ZDHHC17: variants seen among roughly 807,000 people sequenced by gnomAD.
ZDHHC17 encodes zDHHC palmitoyltransferase 17, also known as palmitoyltransferase ZDHHC17.
In ZDHHC17, 40 loss-of-function variants were observed where a neutral mutation model predicts 90.3. That is an observed-to-expected ratio of 0.44 (90% CI 0.34 to 0.58). ZDHHC17 has a LOEUF of 0.58. ZDHHC17 is among the 20% of genes least tolerant of loss of function. The pLI is 0.01. For missense variants in ZDHHC17, 614 were observed against 780.8 expected (o/e 0.79, Z 2.55); for synonymous variants, 235 against 252.4 (o/e 0.93, Z 0.65).
At chr12:76,831,667 C>G (rs1302254920) in intron 10 of ZDHHC17, among the ~76,000 whole-genome samples, 1 of 151,908 alleles carries the variant, frequency 6.6e-6, no homozygotes, top group African/African-American at 2.4e-5. Flanking sequence ...TTTTTTGAGA[C>G]ATCGTCTCAC....
At chr12:76,772,420 G>A (rs113802865) in intron 1 of ZDHHC17, among the ~76,000 whole-genome samples, 2,111 of 152,086 alleles carry the variant, frequency 0.014, 46 homozygotes, top group African/African-American at 0.047. Flanking sequence ...CTACACTAGC[G>A]TGGTACACTT....
At chr12:76,770,942 A>G (rs984542483) in intron 1 of ZDHHC17, among the ~76,000 whole-genome samples, 3 of 152,016 alleles carry the variant, frequency 2.0e-5, no homozygotes, top group South Asian at 2.1e-4. Flanking sequence ...AAAAAAAAAA[A>G]AAAAATGCAG....
chr12:76,798,772 G>A (rs544501953), intron 2 of ZDHHC17, among the ~76,000 whole-genome samples: 2 of 152,282 alleles, frequency 1.3e-5, no homozygotes, highest in East Asian at 3.9e-4. Context: ...GAACCTGGCT[G>A]GAGCATGAGG....
At chr12:76,793,391 G>A (rs1305955547) in intron 1 of ZDHHC17, among the ~76,000 whole-genome samples, 7 of 152,162 alleles carry the variant, frequency 4.6e-5, no homozygotes, top group Non-Finnish European at 8.8e-5. Flanking sequence ...GTGGTGGTGT[G>A]TGCCTGTAGT....
At chr12:76,803,853 A>G (rs573346693) in intron 2 of ZDHHC17, among the ~76,000 whole-genome samples, 1 of 152,292 alleles carries the variant, frequency 6.6e-6, no homozygotes, top group African/African-American at 2.4e-5. Flanking sequence ...ACCTCCATCT[A>G]TTATAATCCA....
At chr12:76,796,521 A>G (rs1226056377) in intron 1 of ZDHHC17, among the ~76,000 whole-genome samples, 2 of 152,080 alleles carry the variant, frequency 1.3e-5, no homozygotes, top group Non-Finnish European at 1.5e-5. Context: ...AATTTTATAT[A>G]TATGGATTTT....
At chr12:76,808,520 A>C (rs1952981350) in intron 3 of ZDHHC17, among the ~76,000 whole-genome samples, 1 of 152,204 alleles carries the variant, frequency 6.6e-6, no homozygotes, top group Non-Finnish European at 1.5e-5. Flanking sequence ...TATTAAGCTT[A>C]CTAATCTAAT....
chr12:76,823,828 T>G (rs1278799890), intron 8 of ZDHHC17, among the ~76,000 whole-genome samples: 1 of 152,188 alleles, frequency 6.6e-6, no homozygotes, highest in African/African-American at 2.4e-5. Flanking sequence ...TTTTCAGCCC[T>G]ATAAGCTGAG....
Position 76,797,514 on chromosome 12 carries a change from A to G in ZDHHC17, c.174A>G (p.Thr58=). The change falls in exon 2 of 17, where the codon ACA becomes ACG. Residue 58 remains threonine (T), a synonymous_variant. Transcript: ENST00000426126. ...GRKTHIDDYS[T]WDIVKATQYG... is the part of the protein sequence containing the mutation. ...AAACTCATATTGATGATTACAGCAC[A>G]TGGGACATAGTCAAGGCTACACAGT... is the stretch of plus-strand genomic sequence containing the variant. 1.2e-6 allele frequency: 2 copies of G among 1,608,702 alleles called. No individual in the cohort carries two copies. Among genetic ancestry groups the G allele is most frequent in the Non-Finnish European group, 1.7e-6 (2 of 1,177,226 alleles).
At chr12:76,766,808 C>T (rs914630067) in intron 1 of ZDHHC17, among the ~76,000 whole-genome samples, 3 of 151,728 alleles carry the variant, frequency 2.0e-5, no homozygotes, top group African/African-American at 4.8e-5. Context: ...TCACTTGAGC[C>T]CAGGAGTTCG....
rs528371690 is a variant in ZDHHC17 at position 76,822,666 on chromosome 12, TGCCTCA to T, written c.897+141_897+146del. The T allele has an allele frequency of 3.8e-4, 257 of 683,472 alleles. No homozygotes were observed. The African/African-American group carries it at 4.1e-3, about 11-fold the overall frequency. The allele number at this position is 683,472 out of a possible 1,614,324, so 42.3% of individuals were successfully genotyped here. The stretch of plus-strand genomic sequence containing the variant: ...GCCTCTCGGTTTAAAGTGATTCTTG[TGCCTCA>T]GCCTCCTGAGTAGCTGGGATTACAG... On this transcript the variant is annotated intron_variant, in intron 8 of 16. Transcript: ENST00000426126.
intron 1 of ZDHHC17, among the ~76,000 whole-genome samples, chr12:76,785,623 A>C (rs913682589): frequency 6.6e-6 from 1 of 152,204 alleles, no homozygotes; most frequent in Non-Finnish European, 1.5e-5. Context: ...GGGCACACAT[A>C]ATAGGTCATT....
chr12:76,842,600 T>C (rs979302252), intron 11 of ZDHHC17, among the ~76,000 whole-genome samples: 1 of 152,138 alleles, frequency 6.6e-6, no homozygotes, highest in Admixed American at 6.5e-5. Flanking sequence ...ACTAGAAGCA[T>C]TTTAGATTAT....
intron 1 of ZDHHC17, among the ~76,000 whole-genome samples, chr12:76,797,209 G>GC (rs1460066113): frequency 6.6e-6 from 1 of 152,102 alleles, no homozygotes; most frequent in Non-Finnish European, 1.5e-5. Flanking sequence ...GTTGTAGGGA[G>GC]CCGAGATCGC....
intron 1 of ZDHHC17, among the ~76,000 whole-genome samples, chr12:76,771,971 C>CTTTCAT (rs994272165): frequency 3.9e-5 from 6 of 152,218 alleles, no homozygotes; most frequent in Admixed American, 6.5e-5. Flanking sequence ...TCCTCTCTCC[C>CTTTCAT]TTTCAGCTTC....
chr12:76,848,106 C>CT, intron 14 of ZDHHC17, 127 bp from the exon 15 acceptor site: 1 of 875,010 alleles, frequency 1.1e-6, no homozygotes, highest in Non-Finnish European at 1.7e-6. Context: ...AAGACATTTG[C>CT]TATTGAATGT....
intron 1 of ZDHHC17, among the ~76,000 whole-genome samples, chr12:76,767,499 A>G (rs914118807): frequency 3.3e-5 from 5 of 152,208 alleles, no homozygotes; most frequent in African/African-American, 1.2e-4. Context: ...GAATTAAATC[A>G]TCCACTCATT....
At chr12:76,837,843 A>T (rs1173356875) in intron 10 of ZDHHC17, among the ~76,000 whole-genome samples, 5 of 151,800 alleles carry the variant, frequency 3.3e-5, no homozygotes, top group Non-Finnish European at 7.4e-5. Context: ...TTTGAGATGG[A>T]GGTCTCACTA....
intron 9 of ZDHHC17, 127 bp downstream of exon 9, chr12:76,827,177 G>T (rs4761450): frequency 9.5e-7 from 1 of 1,049,558 alleles, no homozygotes; most frequent in Non-Finnish European, 1.3e-6. Flanking sequence ...TTAGACATCT[G>T]TATGTGAAAT....
Sources: gnomAD v4.1 joint callset for allele counts (sites outside exome capture counted in the v4.1 genomes callset) on GRCh38, gnomAD v4.1.1 for gene constraint, MANE v1.5 for transcripts, NCBI Gene and HGNC (gene_info 2026-07-23, HGNC 2026-07-21) for gene names.